WFDC3: variants seen among roughly 807,000 people sequenced by gnomAD.
WFDC3 encodes the protein WAP four-disulfide core domain protein 3.
A neutral mutation model predicts 25.8 loss-of-function variants in WFDC3; 15 were observed. The observed-to-expected ratio is 0.58, with a 90% CI of 0.39 to 0.89. The LOEUF is 0.89. WFDC3 is among the 40% of genes least tolerant of loss of function. WFDC3 has a pLI of 0.00. For synonymous variants in WFDC3, 103 were observed against 107.1 expected (o/e 0.96, Z 0.24); for missense variants, 264 against 289.8 (o/e 0.91, Z 0.65).
In WFDC3 at chr20:45,787,699, G is replaced by A. The variant is rs1341638370; in HGVS notation, c.358+137C>T. The A allele has an allele frequency of 2.6e-6, 3 of 1,165,018 alleles. No homozygotes were observed. The East Asian group carries it at 8.9e-5, about 35-fold the overall frequency. The allele number at this position is 1,165,018 out of a possible 1,614,324, so 72.2% of individuals were successfully genotyped here. On this transcript the variant is annotated intron_variant, in intron 4 of 6. Coordinates refer to ENST00000243938, the MANE Select transcript of WFDC3 (RefSeq NM_080614.2). ...CATACCACAAATGATTATGGCTTGT[G>A]CACCCTTTGTATATCTTTTTTTTTT...
At chr20:45,780,612 C>T (rs928992707) in intron 4 of WFDC3, among the ~76,000 whole-genome samples, 5 of 152,100 alleles carry the variant, frequency 3.3e-5, no homozygotes, top group Admixed American at 6.6e-5. Context: ...ATGGGGATGA[C>T]GGTTCCCCAC....
At chr20:45,791,010 G>T in intron 1 of WFDC3, 4 of 461,888 alleles carry the variant, frequency 8.7e-6, no homozygotes, top group Admixed American at 7.1e-5. Flanking sequence ...ATACCTAATG[G>T]TGTCCACTGG....
At chr20:45,787,377 G>A (rs574996448) in intron 4 of WFDC3, among the ~76,000 whole-genome samples, 3 of 130,668 alleles carry the variant, frequency 2.3e-5, no homozygotes, top group South Asian at 2.7e-4. Flanking sequence ...TGCAAGCTCC[G>A]CCTTCTGGGT....
At chr20:45,777,889 T>C (rs1478056666) in intron 4 of WFDC3, among the ~76,000 whole-genome samples, 2 of 150,108 alleles carry the variant, frequency 1.3e-5, no homozygotes, top group African/African-American at 4.9e-5. Flanking sequence ...ACTCACAGTT[T>C]GAAAAACACT....
intron 3 of WFDC3, chr20:45,788,596 G>T: frequency 5.0e-6 from 1 of 198,270 alleles, no homozygotes; most frequent in South Asian, 1.5e-4. Context: ...AAGGCTTAAG[G>T]CTTAAAAAGG....
intron 5 of WFDC3, among the ~76,000 whole-genome samples, chr20:45,776,629 AAAAAAAATATAT>A (rs1980183959): frequency 3.0e-5 from 2 of 67,150 alleles, no homozygotes; most frequent in African/African-American, 1.3e-4. Context: ...AAAGAAAAAA[AAAAAAAATATAT>A]ATATATATAT....
At chr20:45,786,922 G>A (rs1450482876) in intron 4 of WFDC3, among the ~76,000 whole-genome samples, 12 of 151,548 alleles carry the variant, frequency 7.9e-5, no homozygotes, top group South Asian at 4.2e-4. Context: ...ACGAAAACCC[G>A]TCTCTACTAA....
Position 45,776,618 on chromosome 20 carries a change from AAAAGAAAAAAAAAAAAAAT to A in WFDC3, c.493+438_493+456del, listed in dbSNP as rs1568697367. 1.3e-3 allele frequency among the ~76,000 whole-genome samples: 98 copies of A among 77,070 alleles called. 1 individual carries two copies. The highest frequency in any genetic ancestry group is 4.3e-3 in the African/African-American group (75 of 17,346). The allele number at this position is 77,070 out of a possible 152,430, so 50.6% of individuals were successfully genotyped here. On this transcript the variant is annotated intron_variant, in intron 5 of 6. Transcript: ENST00000243938. ...GTCTCAAAAAAAAAAAAAAAGAAAA[AAAAGAAAAAAAAAAAAAAT>A]ATATATATATATATATATATATATG...
At chr20:45,790,186 A>G in intron 1 of WFDC3, 1 of 510,230 alleles carries the variant, frequency 2.0e-6, no homozygotes, top group Non-Finnish European at 3.5e-6. Flanking sequence ...GCACTACCAA[A>G]GGGGACCTGT....
chr20:45,785,353 C>A (rs2145687856), intron 4 of WFDC3, among the ~76,000 whole-genome samples: 1 of 151,880 alleles, frequency 6.6e-6, no homozygotes, highest in South Asian at 2.1e-4. Flanking sequence ...GCCTGCAATC[C>A]CAGCTACTCA....
chr20:45,785,319 A>T (rs1263856339), intron 4 of WFDC3, among the ~76,000 whole-genome samples: 1 of 151,946 alleles, frequency 6.6e-6, no homozygotes, highest in African/African-American at 2.4e-5. Context: ...AAAATACAAA[A>T]ATTAGCTGAG....
At chr20:45,785,451 A>G (rs1464461743) in intron 4 of WFDC3, among the ~76,000 whole-genome samples, 3 of 145,568 alleles carry the variant, frequency 2.1e-5, no homozygotes, top group Non-Finnish European at 4.5e-5. Context: ...CCTGGGCGAC[A>G]GCCTGTCTCA....
intron 2 of WFDC3, among the ~76,000 whole-genome samples, chr20:45,789,667 T>TCTAGTAAGCCCAA (rs1446480142): frequency 6.6e-6 from 1 of 152,128 alleles, no homozygotes; most frequent in African/African-American, 2.4e-5. Flanking sequence ...AGCTAGAACC[T>TCTAGTAAGCCCAA]CTAGTAAGCC....
chr20:45,776,658 A>ATGTGTGTGTG (rs1226207681), intron 5 of WFDC3, among the ~76,000 whole-genome samples: 191 of 95,246 alleles, frequency 2.0e-3, no homozygotes, highest in African/African-American at 6.4e-3. Flanking sequence ...ATATATATAT[A>ATGTGTGTGTG]TATGTGTGTG....
chr20:45,789,348 T>C (rs1243829030), intron 2 of WFDC3, among the ~76,000 whole-genome samples: 5 of 151,492 alleles, frequency 3.3e-5, no homozygotes, highest in African/African-American at 1.2e-4. Context: ...CTACTAAAAA[T>C]ACAAAAAATT....
At chr20:45,790,095 C>T in intron 1 of WFDC3, 113 bp from the exon 2 acceptor site, 5 of 685,644 alleles carry the variant, frequency 7.3e-6, no homozygotes, top group Non-Finnish European at 1.3e-5. Flanking sequence ...CCAAAACCTT[C>T]CCTTTCACAA....
At chr20:45,780,063 C>CT (rs3080097) in intron 4 of WFDC3, among the ~76,000 whole-genome samples, 1,819 of 88,414 alleles carry the variant, frequency 0.021, 64 homozygotes, top group African/African-American at 0.057. Context: ...GCCTTTATAC[C>CT]TTTTTTTTTT....
chr20:45,789,099 G>A (rs373840739), intron 2 of WFDC3, 40 bp from the exon 3 acceptor site: 4 of 1,608,392 alleles, frequency 2.5e-6, no homozygotes, highest in African/African-American at 2.7e-5. Flanking sequence ...AACTAGCCAG[G>A]CCTCAGAAAT....
At chr20:45,776,635 AATATATAT>A (rs71181857) in intron 5 of WFDC3, among the ~76,000 whole-genome samples, 2 of 92,932 alleles carry the variant, frequency 2.2e-5, no homozygotes, top group Non-Finnish European at 4.1e-5. Context: ...AAAAAAAAAA[AATATATAT>A]ATATATATAT....
Sources: gnomAD v4.1 joint callset for allele counts (sites outside exome capture counted in the v4.1 genomes callset) on GRCh38, gnomAD v4.1.1 for gene constraint, MANE v1.5 for transcripts, NCBI Gene and HGNC (gene_info 2026-07-23, HGNC 2026-07-21) for gene names.